DIAPH1: variants seen among roughly 807,000 people sequenced by gnomAD.
The protein encoded by DIAPH1 is diaphanous related formin 1.
In DIAPH1, 46 loss-of-function variants were observed where a neutral mutation model predicts 140.7. The ratio of observed to expected loss-of-function variants is 0.33; its 90% CI spans 0.26 to 0.42. The LOEUF (loss-of-function observed/expected upper bound fraction) is 0.42, where lower values mean the gene tolerates loss of function less well. Among genes scored for constraint, DIAPH1 ranks in the 10% least tolerant of loss-of-function variants. DIAPH1 has a pLI of 1.00. For missense variants in DIAPH1, 1,310 were observed against 1,558.7 expected (o/e 0.84, Z 2.69); for synonymous variants, 565 against 551.6 (o/e 1.02, Z -0.34).
intron 24 of DIAPH1, 152 bp downstream of exon 24, chr5:141,527,421 A>G: frequency 1.2e-6 from 1 of 831,760 alleles, no homozygotes; most frequent in Non-Finnish European, 1.8e-6. Flanking sequence ...GTCTCAAAAT[A>G]CTAACAAACC....
intron 27 of DIAPH1, among the ~76,000 whole-genome samples, chr5:141,518,044 G>A (rs1358285678): frequency 6.6e-6 from 1 of 152,206 alleles, no homozygotes. Flanking sequence ...AGCCTGACAC[G>A]AAAGGCCATA....
intron 27 of DIAPH1, among the ~76,000 whole-genome samples, chr5:141,520,042 C>T (rs893805944): frequency 6.6e-6 from 1 of 152,058 alleles, no homozygotes; most frequent in Admixed American, 6.5e-5. Flanking sequence ...CCATATAACG[C>T]AAGTTTTAAA....
chr5:141,561,539 A>G (rs1347755341), intron 18 of DIAPH1, among the ~76,000 whole-genome samples: 2 of 152,108 alleles, frequency 1.3e-5, no homozygotes, highest in African/African-American at 4.8e-5. Context: ...TTCTCCAAGC[A>G]TGTCAGACAC....
rs1385183566 is a variant in DIAPH1, at chr5:141,574,009, G to A, written c.1841C>T (p.Pro614Leu). The change falls in exon 16 of 28, where the codon CCT becomes CTT. Residue 614 changes from proline (P) to leucine (L), a missense_variant. This residue lies in a region of DIAPH1 where 589 missense variants were observed against 549.3 expected (regional missense o/e 1.07). Transcript: ENST00000389054. ...AGGCAAAGGAGGTGGAGGAGGAGGAGGAGGAGGAGGAGGAGGAGGAGTGGT... is the reference window on the plus strand; with the variant it reads ...AGGCAAAGGAGGTGGAGGAGGAGGAAGAGGAGGAGGAGGAGGAGGAGTGGT... ...DSTTPPPPPP[P>L]PPPPPPLPGG... 5.1e-6 allele frequency: 8 copies of A among 1,554,926 alleles called. No individual in the cohort carries two copies. In the Admixed American group the frequency reaches 1.6e-4, roughly 30 times the overall value.
At chr5:141,520,723 G>A (rs1596333271) in intron 27 of DIAPH1, among the ~76,000 whole-genome samples, 2 of 152,094 alleles carry the variant, frequency 1.3e-5, no homozygotes, top group Admixed American at 1.3e-4. Context: ...ATGTCATTAT[G>A]TCCGACTCTC....
In DIAPH1 at chr5:141,576,838, A is replaced by G. The variant is rs2099896032; in HGVS notation, c.1314T>C (p.Ile438=). ...CGTTCTTGTGCAGAACTATCTGGGAAATACATTCTTCAATCAACTTATAGT... is the reference window on the plus strand; with the variant it reads ...CGTTCTTGTGCAGAACTATCTGGGAGATACATTCTTCAATCAACTTATAGT... ...PQYYKLIEEC[I]SQIVLHKNGA... Residue 438 remains isoleucine (I), a synonymous_variant, in exon 13 of 28, where the codon ATT becomes ATC. Coordinates refer to ENST00000389054, the MANE Select transcript of DIAPH1 (RefSeq NM_005219.5). The G allele has an allele frequency of 2.5e-6, 4 of 1,613,572 alleles. No homozygotes were observed. Among genetic ancestry groups the G allele is most frequent in the Non-Finnish European group, 3.4e-6 (4 of 1,179,498 alleles).
In DIAPH1 at chr5:141,515,899, A is replaced by G. The variant is rs1216578993; in HGVS notation, c.*952T>C. On this transcript the variant is annotated 3_prime_UTR_variant, in exon 28 of 28. Transcript: ENST00000389054. ...CATTATGGAGGGGAAAGGGGGAAGG[A>G]ACAGTTTTCTTTAAAAAAATTTTTT... 6.6e-6 allele frequency: 1 copy of G among 152,510 alleles called. No individual in the cohort carries two copies. The highest frequency in any genetic ancestry group is 1.5e-5 in the Non-Finnish European group (1 of 68,150). The allele number at this position is 152,510 out of a possible 1,614,324, so 9.4% of individuals were successfully genotyped here.
intron 1 of DIAPH1, among the ~76,000 whole-genome samples, chr5:141,604,156 G>A (rs1049867443): frequency 2.6e-5 from 4 of 152,214 alleles, no homozygotes; most frequent in African/African-American, 7.2e-5. Flanking sequence ...CAGGCACACC[G>A]GTATCTTCTG....
chr5:141,582,267 C>G (rs1200464626), intron 7 of DIAPH1, 45 bp downstream of exon 7: 2 of 1,431,824 alleles, frequency 1.4e-6, no homozygotes, highest in South Asian at 2.3e-5. Context: ...AGAGAAAGAA[C>G]AGGCGTCCAG....
Position 141,577,606 on chromosome 5 carries a change from T to G in DIAPH1, c.1164-15A>C. 6.5e-7 allele frequency: 1 copy of G among 1,528,418 alleles called. No individual in the cohort carries two copies. Among genetic ancestry groups the G allele is most frequent in the East Asian group, 2.3e-5 (1 of 44,366 alleles). The allele number at this position is 1,528,418 out of a possible 1,614,324, so 94.7% of individuals were successfully genotyped here. Reference sequence around the variant, plus strand: ...CATTAAAGTCAGTGGAAAAGGGAAATAGGCTAAGGAAAGCAAATATGCAGA... The same window carrying G: ...CATTAAAGTCAGTGGAAAAGGGAAAGAGGCTAAGGAAAGCAAATATGCAGA... On this transcript the variant is annotated splice_polypyrimidine_tract_variant and intron_variant, in intron 11 of 27. Transcript: ENST00000389054.
intron 1 of DIAPH1, among the ~76,000 whole-genome samples, chr5:141,606,762 A>T (rs560350244): frequency 6.6e-6 from 1 of 152,170 alleles, no homozygotes. Context: ...ATTAAACACA[A>T]GTCAAAACTA....
chr5:141,518,900 G>A (rs762392202), intron 27 of DIAPH1: 4 of 1,535,592 alleles, frequency 2.6e-6, no homozygotes, highest in African/African-American at 1.4e-5. Flanking sequence ...AGGAGAGGCT[G>A]CCCATAGATC....
At chr5:141,518,752 G>A (rs2099886083) in intron 27 of DIAPH1, 2 of 631,390 alleles carry the variant, frequency 3.2e-6, no homozygotes, top group Non-Finnish European at 5.7e-6. Context: ...TGAACTCCTG[G>A]GCTCAAGCAA....
intron 18 of DIAPH1, chr5:141,564,649 A>G (rs968190532): frequency 6.6e-6 from 1 of 152,208 alleles, no homozygotes; most frequent in African/African-American, 2.4e-5. Context: ...CCTTTGGTGC[A>G]TAGAGTAAGA....
chr5:141,520,755 A>G (rs2099886402), intron 27 of DIAPH1, among the ~76,000 whole-genome samples: 1 of 152,190 alleles, frequency 6.6e-6, no homozygotes, highest in Non-Finnish European at 1.5e-5. Context: ...GTATGAAAGA[A>G]TATTTCCGGC....
chr5:141,524,441 T>C, intron 26 of DIAPH1: 1 of 615,410 alleles, frequency 1.6e-6, no homozygotes, highest in Admixed American at 2.3e-5. Context: ...AAGATCTCAT[T>C]GCCTATTATC....
At chr5:141,557,545 G>GAA (rs1479471508) in intron 18 of DIAPH1, among the ~76,000 whole-genome samples, 16 of 152,178 alleles carry the variant, frequency 1.1e-4, no homozygotes, top group African/African-American at 3.6e-4. Flanking sequence ...ACAGCTAAGT[G>GAA]AAAGGGGTTC....
At chr5:141,553,971 C>T (rs2099892157) in intron 18 of DIAPH1, among the ~76,000 whole-genome samples, 1 of 152,014 alleles carries the variant, frequency 6.6e-6, no homozygotes, top group African/African-American at 2.4e-5. Context: ...ATGGCTCAGG[C>T]TCAAGCATTA....
intron 14 of DIAPH1, among the ~76,000 whole-genome samples, chr5:141,576,019 G>C (rs1326044641): frequency 2.0e-5 from 3 of 152,160 alleles, no homozygotes; most frequent in African/African-American, 4.8e-5. Context: ...CCCAAGAACT[G>C]AAAGTCCACC....
Sources: allele counts gnomAD v4.1 joint callset (sites outside exome capture counted in the v4.1 genomes callset), GRCh38; gene constraint gnomAD v4.1.1; regional missense constraint gnomAD v4.1.1; transcripts MANE v1.5; gene names NCBI Gene and HGNC (gene_info 2026-07-23, HGNC 2026-07-21).